Variants in YIPF6 observed in about 807,000 individuals in gnomAD.
YIPF6 encodes the protein protein YIPF6.
In YIPF6, 3 loss-of-function variants were observed where a neutral mutation model predicts 16.8. That is an observed-to-expected ratio of 0.18 (90% CI 0.08 to 0.46). The LOEUF (loss-of-function observed/expected upper bound fraction) is 0.46. YIPF6 is among the 20% of genes least tolerant of loss of function. YIPF6 has a pLI of 0.98. For missense variants in YIPF6, 145 were observed against 184.9 expected, an observed-to-expected ratio of 0.78 and a Z score of 1.25; for synonymous variants, 67 against 61.9, an observed-to-expected ratio of 1.08 and a Z score of -0.38.
chrX:68,500,560 C>T (rs951157401), intron 1 of YIPF6, among the ~76,000 whole-genome samples: 3 of 111,549 alleles, frequency 2.7e-5, no homozygotes, highest in Non-Finnish European at 3.8e-5. Context: ...GGTGATCTGC[C>T]CGCCTCGGCC....
intron 6 of YIPF6, among the ~76,000 whole-genome samples, chrX:68,528,212 C>T (rs753111237): frequency 9.0e-6 from 1 of 111,565 alleles, no homozygotes; most frequent in African/African-American, 3.3e-5. Flanking sequence ...CTTCTTGTTG[C>T]ATTGATCCCT....
chrX:68,501,834 G>C lies in YIPF6; in HGVS notation c.57+2711G>C, dbSNP rs765657397. ...GGCAGTATGGAACAGTGGTGGTTTG[G>C]AATGTGTACTCTGGAGTCAGCTTGC... On this transcript the variant is annotated intron_variant, in intron 1 of 6. Coordinates refer to ENST00000462683, the MANE Select transcript of YIPF6 (RefSeq NM_173834.4). 2.7e-5 allele frequency among the ~76,000 whole-genome samples: 3 copies of C among 111,342 alleles called. No individual in the cohort carries two copies. In the East Asian group the frequency reaches 8.5e-4, roughly 32 times the overall value.
At chrX:68,527,896 GGA>G in intron 6 of YIPF6, among the ~76,000 whole-genome samples, 1 of 111,383 alleles carries the variant, frequency 9.0e-6, no homozygotes, top group South Asian at 3.8e-4. Flanking sequence ...CCTTTGTTGA[GGA>G]GTATTTTACT....
intron 3 of YIPF6, 98 bp from the exon 4 acceptor site, chrX:68,518,672 A>G: frequency 9.7e-7 from 1 of 1,035,988 alleles, no homozygotes; most frequent in Non-Finnish European, 1.3e-6. Context: ...GGCCAGCCAA[A>G]GAGAGCCTTG....
chrX:68,505,342 A>G lies in YIPF6; in HGVS notation c.57+6219A>G, dbSNP rs145534338. On this transcript the variant is annotated intron_variant, in intron 1 of 6. Transcript: ENST00000462683. ...GGAGACTCGCTTGAATCCAGGAAAC[A>G]GAGGTTGCAGTGAGCCGAGATCACG... Among the ~76,000 whole-genome samples the G allele has an allele frequency of 8.6e-3, 960 of 111,206 alleles. 7 individuals carry two copies. The highest frequency in any genetic ancestry group is 0.03 in the African/African-American group (923 of 30,582).
At chrX:68,519,764 T>G (rs1156644630) in intron 4 of YIPF6, among the ~76,000 whole-genome samples, 1 of 111,561 alleles carries the variant, frequency 9.0e-6, no homozygotes, top group Non-Finnish European at 1.9e-5. Flanking sequence ...CCTCTCTAAT[T>G]TTTTAAATTT....
intron 6 of YIPF6, among the ~76,000 whole-genome samples, chrX:68,531,394 G>C (rs970746518): frequency 3.6e-5 from 4 of 111,807 alleles, no homozygotes; most frequent in Non-Finnish European, 7.5e-5. Flanking sequence ...CAAAGTGCTG[G>C]AATTACAGGC....
intron 1 of YIPF6, among the ~76,000 whole-genome samples, chrX:68,504,768 G>A (rs947329301): frequency 1.3e-4 from 14 of 111,820 alleles, no homozygotes; most frequent in Non-Finnish European, 2.4e-4. Flanking sequence ...ATTTTACAGA[G>A]GAGGAAACTG....
chrX:68,523,018 T>C, intron 6 of YIPF6, 101 bp downstream of exon 6: 1 of 1,000,820 alleles, frequency 1.0e-6, no homozygotes, highest in Non-Finnish European at 1.4e-6. Flanking sequence ...TAGATGTGAG[T>C]GATATGATTC....
chrX:68,505,433 C>T (rs748527339), intron 1 of YIPF6, among the ~76,000 whole-genome samples: 1 of 111,624 alleles, frequency 9.0e-6, no homozygotes, highest in South Asian at 3.7e-4. Flanking sequence ...GGTTGGTTTA[C>T]GCATTACATG....
intron 1 of YIPF6, among the ~76,000 whole-genome samples, chrX:68,500,064 A>G (rs761496181): frequency 8.9e-6 from 1 of 112,419 alleles, no homozygotes; most frequent in Non-Finnish European, 1.9e-5. Context: ...GATGGAATCC[A>G]CCCACTTTGT....
intron 1 of YIPF6, among the ~76,000 whole-genome samples, chrX:68,502,681 A>G (rs1569322681): frequency 9.0e-6 from 1 of 111,519 alleles, no homozygotes; most frequent in Non-Finnish European, 1.9e-5. Context: ...ACTTTAAAAC[A>G]TGCACTTCAG....
At chrX:68,503,736 C>T (rs2079049328) in intron 1 of YIPF6, among the ~76,000 whole-genome samples, 1 of 112,304 alleles carries the variant, frequency 8.9e-6, no homozygotes, top group African/African-American at 3.2e-5. Context: ...CAGGACCATC[C>T]TCACTTCAGA....
chrX:68,525,527 G>A (rs897700125), intron 6 of YIPF6, among the ~76,000 whole-genome samples: 21 of 111,989 alleles, frequency 1.9e-4, no homozygotes, highest in Non-Finnish European at 2.3e-4. Context: ...TGTTGCTATT[G>A]CTTTTGGTGT....
At chrX:68,521,824 G>T (rs1451437802) in intron 5 of YIPF6, among the ~76,000 whole-genome samples, 1 of 109,644 alleles carries the variant, frequency 9.1e-6, no homozygotes, top group Non-Finnish European at 1.9e-5. Flanking sequence ...GAACTCCTGG[G>T]TTCAAGTGAT....
At chrX:68,501,962 C>A (rs2079042657) in intron 1 of YIPF6, among the ~76,000 whole-genome samples, 1 of 111,746 alleles carries the variant, frequency 8.9e-6, no homozygotes, top group Admixed American at 9.6e-5. Flanking sequence ...AGAGATATAA[C>A]AATACTTAGT....
chrX:68,511,786 G>C, intron 1 of YIPF6, 63 bp from the exon 2 acceptor site: 1 of 1,127,297 alleles, frequency 8.9e-7, no homozygotes. Flanking sequence ...AGGAAATGAT[G>C]ATATATATGA....
chrX:68,527,720 C>T (rs902054671), intron 6 of YIPF6, among the ~76,000 whole-genome samples: 3 of 111,764 alleles, frequency 2.7e-5, no homozygotes, highest in Non-Finnish European at 3.8e-5. Context: ...GCCTTAATTT[C>T]GTTGTTTACC....
At chrX:68,509,293 A>G (rs1314879177) in intron 1 of YIPF6, among the ~76,000 whole-genome samples, 2 of 109,681 alleles carry the variant, frequency 1.8e-5, no homozygotes, top group Non-Finnish European at 3.8e-5. Flanking sequence ...TTTTAAAAAC[A>G]TTTTTTGTAG....
Sources: gnomAD v4.1 joint callset for allele counts (sites outside exome capture counted in the v4.1 genomes callset) on GRCh38, gnomAD v4.1.1 for gene constraint, MANE v1.5 for transcripts, NCBI Gene and HGNC (gene_info 2026-07-23, HGNC 2026-07-21) for gene names.